TEKT3: variants seen among roughly 807,000 people sequenced by gnomAD.
The protein encoded by TEKT3 is tektin-3.
Under a neutral mutation model 49.8 loss-of-function variants are expected in TEKT3, and 49 were observed. The observed-to-expected ratio is 0.98, with a 90% CI of 0.78 to 1.25. The LOEUF is 1.25. TEKT3 is among the 50% of genes most tolerant of loss of function. TEKT3 has a pLI of 0.00. For synonymous variants in TEKT3, 225 were observed against 237.2 expected, an observed-to-expected ratio of 0.95 and a Z score of 0.47; for missense variants, 595 against 629.5, an observed-to-expected ratio of 0.95 and a Z score of 0.59.
At chr17:15,314,415 CT>C in intron 5 of TEKT3, 185 bp from the exon 6 acceptor site, 1 of 686,408 alleles carries the variant, frequency 1.5e-6, no homozygotes, top group East Asian at 3.0e-5. Context: ...CTCTACGTCA[CT>C]GGGACCCTAA....
chr17:15,306,089 A>ATATATATGTGTGTGTGTGTG (rs1291765039), intron 8 of TEKT3, among the ~76,000 whole-genome samples: 2 of 144,410 alleles, frequency 1.4e-5, no homozygotes, highest in African/African-American at 5.1e-5. Context: ...ATTTATATAT[A>ATATATATGTGTGTGTGTGTG]TGTGTGTGTG....
At position 15,331,626 on chromosome 17, in the gene TEKT3, T is replaced by C. The variant is rs1467526786; in HGVS notation, c.-29-12A>G. ...TTTGTAAATCTCTCCTGTTAAAAAA[T>C]AAAAAGTAAAATAAGACAGTCACAT... On this transcript the variant is annotated splice_polypyrimidine_tract_variant and intron_variant, in intron 2 of 8. Coordinates refer to ENST00000395930, the MANE Select transcript of TEKT3 (RefSeq NM_031898.3). 2.6e-6 allele frequency: 4 copies of C among 1,539,386 alleles called. No homozygotes were observed. The African/African-American group carries it at 5.5e-5, about 21-fold the overall frequency.
chr17:15,331,171 G>A lies in TEKT3; in HGVS notation c.415C>T (p.Gln139Ter), dbSNP rs780422233. 1.9e-6 allele frequency: 3 copies of A among 1,614,084 alleles called. No homozygotes were observed. The highest frequency in any genetic ancestry group is 2.7e-5 in the African/African-American group (2 of 74,928). ...CCCAGATTTTGGGTTGTGTCTGCCT[G>A]AGTTTTTCTTGTTTGTTGATATTTG... is the stretch of plus-strand genomic sequence containing the variant. ...QDKYQQTRKT[Q>*]ADTTQNLGER... Residue 139 changes from glutamine to a stop codon, truncating the protein, a stop_gained, in exon 3 of 9, where the codon CAG becomes TAG. Coordinates refer to ENST00000395930, the MANE Select transcript of TEKT3 (RefSeq NM_031898.3). LOFTEE classifies it high-confidence loss of function.
At chr17:15,324,742 G>C (rs970065620) in intron 4 of TEKT3, among the ~76,000 whole-genome samples, 74 of 152,022 alleles carry the variant, frequency 4.9e-4, no homozygotes, top group African/African-American at 1.7e-3. Context: ...TCACTTTGTT[G>C]CTAGTGTTCT....
intron 2 of TEKT3, among the ~76,000 whole-genome samples, chr17:15,338,129 G>A (rs1350404753): frequency 1.3e-5 from 2 of 152,030 alleles, no homozygotes; most frequent in African/African-American, 2.4e-5. Context: ...ATATTTCAAC[G>A]TTTGTCTGTT....
chr17:15,342,619 A>G (rs147629395), upstream of TEKT3, among the ~76,000 whole-genome samples: 299 of 152,216 alleles, frequency 2.0e-3, 1 homozygote, highest in African/African-American at 6.7e-3. Flanking sequence ...CAGTGTCCCG[A>G]GTTTATTAGA....
intron 4 of TEKT3, among the ~76,000 whole-genome samples, chr17:15,320,185 C>A (rs1171647762): frequency 6.6e-6 from 1 of 152,156 alleles, no homozygotes; most frequent in Non-Finnish European, 1.5e-5. Flanking sequence ...ACCACACCCC[C>A]ACCACCCCAC....
intron 8 of TEKT3, among the ~76,000 whole-genome samples, chr17:15,308,403 T>G (rs944931075): frequency 6.6e-6 from 1 of 152,206 alleles, no homozygotes; most frequent in African/African-American, 2.4e-5. Flanking sequence ...CATAAAACTT[T>G]AACCAATCTT....
Position 15,312,469 on chromosome 17 carries a change from A to C in TEKT3, c.891T>G (p.Pro297=). The change falls in exon 7 of 9, where the codon CCT becomes CCG. Residue 297 remains proline, a synonymous_variant. Coordinates refer to ENST00000395930, the MANE Select transcript of TEKT3 (RefSeq NM_031898.3). ...VERVDATVSV[P]ESWAKFTDDN... ...CATCTGTAAATTTGGCCCAGGACTC[A>C]GGCACTGAGACACTGAAAAAGAGAA... 6.2e-7 allele frequency: 1 copy of C among 1,614,102 alleles called. No homozygotes were observed. Among genetic ancestry groups the C allele is most frequent in the Non-Finnish European group, 8.5e-7 (1 of 1,179,998 alleles).
intron 8 of TEKT3, among the ~76,000 whole-genome samples, chr17:15,307,583 CT>C (rs1910604802): frequency 6.6e-6 from 1 of 152,204 alleles, no homozygotes; most frequent in South Asian, 2.1e-4. Flanking sequence ...CAATGTTGGC[CT>C]CACAAGATCC....
At chr17:15,309,973 TAC>T (rs2150734082) in intron 7 of TEKT3, among the ~76,000 whole-genome samples, 1 of 152,314 alleles carries the variant, frequency 6.6e-6, no homozygotes, top group Non-Finnish European at 1.5e-5. Context: ...CTTTCTACAC[TAC>T]AGAGACCTCG....
At chr17:15,336,970 T>C (rs1259245435) in intron 2 of TEKT3, among the ~76,000 whole-genome samples, 1 of 152,112 alleles carries the variant, frequency 6.6e-6, no homozygotes, top group Non-Finnish European at 1.5e-5. Context: ...ACAGGCTGAA[T>C]GAGGATGAGA....
At chr17:15,330,904 C>G in intron 3 of TEKT3, 103 bp downstream of exon 3, 3 of 1,233,238 alleles carry the variant, frequency 2.4e-6, no homozygotes, top group Non-Finnish European at 3.3e-6. Flanking sequence ...GGGTTGGCTT[C>G]AACAGATGAA....
intron 2 of TEKT3, among the ~76,000 whole-genome samples, chr17:15,339,326 T>A (rs1272616028): frequency 6.6e-6 from 1 of 152,152 alleles, no homozygotes; most frequent in Admixed American, 6.5e-5. Context: ...TCACCCAGTC[T>A]CTGGTATTCT....
At position 15,323,252 on chromosome 17, in the gene TEKT3, G is replaced by A. The variant is rs145806642; in HGVS notation, c.664-4105C>T. ...CATTCTCAACAAACGTCTGAGGCTG[G>A]AGTATTTTTGCTTTCTGCTTCTGCA... is the stretch of plus-strand genomic sequence containing the variant. On this transcript the variant is annotated intron_variant, in intron 4 of 8. Transcript: ENST00000395930. 3.0e-3 allele frequency among the ~76,000 whole-genome samples: 457 copies of A among 152,328 alleles called. 4 individuals are homozygous for A. Among genetic ancestry groups the A allele is most frequent in the African/African-American group, 0.01 (433 of 41,564 alleles).
At position 15,304,435 on chromosome 17, in the gene TEKT3, T is replaced by C. The variant is rs1910454997; in HGVS notation, c.1257-283A>G. Among the ~76,000 whole-genome samples the C allele has an allele frequency of 6.6e-6, 1 of 152,204 alleles. No individual in the cohort carries two copies. The highest frequency in any genetic ancestry group is 2.4e-5 in the African/African-American group (1 of 41,444). On this transcript the variant is annotated intron_variant, in intron 8 of 8. Transcript: ENST00000395930. The surrounding 1 kb of genome is among the most constrained non-coding windows in gnomAD (Gnocchi z 4.7). ...AAATCATTATGCCAAGGCAATTCTA[T>C]AGTTTCACAGAAATTCACAACTGGA... is the stretch of plus-strand genomic sequence containing the variant.
Position 15,331,606 on chromosome 17 carries a change from A to C in TEKT3, c.-21T>G. 3.2e-6 allele frequency: 5 copies of C among 1,580,952 alleles called. No individual in the cohort carries two copies. Among genetic ancestry groups the C allele is most frequent in the Non-Finnish European group, 4.3e-6 (5 of 1,162,360 alleles). On this transcript the variant is annotated 5_prime_UTR_variant, in exon 3 of 9. Transcript: ENST00000395930. ...TCCATGATGCCAAAACACTATTTGT[A>C]AATCTCTCCTGTTAAAAAATAAAAA...
intron 2 of TEKT3, among the ~76,000 whole-genome samples, chr17:15,333,944 T>C (rs1293417888): frequency 6.6e-6 from 1 of 151,786 alleles, no homozygotes; most frequent in African/African-American, 2.4e-5. Context: ...TTTGTATTTT[T>C]AGTAGAGTCG....
chr17:15,306,054 A>G lies in TEKT3; in HGVS notation c.1257-1902T>C, dbSNP rs182177540. On this transcript the variant is annotated intron_variant, in intron 8 of 8. Transcript: ENST00000395930. Reference sequence around the variant, plus strand: ...AGAACCACAAAATGTCTTGCATTCAAATACAAATAAAGCTACCACAGTTTA... The same window carrying G: ...AGAACCACAAAATGTCTTGCATTCAGATACAAATAAAGCTACCACAGTTTA... 4.6e-3 allele frequency among the ~76,000 whole-genome samples: 687 copies of G among 150,616 alleles called. 5 individuals carry two copies. The highest frequency in any genetic ancestry group is 0.016 in the African/African-American group (638 of 40,992).
Sources: allele counts gnomAD v4.1 joint callset (sites outside exome capture counted in the v4.1 genomes callset), GRCh38; gene constraint gnomAD v4.1.1; non-coding constraint Gnocchi (gnomAD v3.1); transcripts MANE v1.5; gene names NCBI Gene and HGNC (gene_info 2026-07-23, HGNC 2026-07-21).